KDM4C: variants seen among roughly 807,000 people sequenced by gnomAD.
KDM4C encodes lysine demethylase 4C, also known as lysine-specific demethylase 4C.
In KDM4C, 81 loss-of-function variants were observed where a neutral mutation model predicts 129.3. That is an observed-to-expected ratio of 0.63 (90% CI 0.52 to 0.75). KDM4C has a LOEUF of 0.75. KDM4C is among the 30% of genes least tolerant of loss of function. The pLI is 0.00. For missense variants in KDM4C, 1,457 were observed against 1,304.0 expected (o/e 1.12, Z -1.81); for synonymous variants, 573 against 456.1 (o/e 1.26, Z -3.26).
chr9:7,089,206 T>C (rs1215785741), intron 17 of KDM4C, among the ~76,000 whole-genome samples: 2 of 152,186 alleles, frequency 1.3e-5, no homozygotes, highest in Admixed American at 1.3e-4. Context: ...TTGAATAACG[T>C]AAAAAAATCA....
At chr9:6,915,276 C>G (rs1820099094) in intron 8 of KDM4C, among the ~76,000 whole-genome samples, 6 of 152,194 alleles carry the variant, frequency 3.9e-5, no homozygotes, top group Admixed American at 3.3e-4. Flanking sequence ...GTTCATGCAT[C>G]TACCTAAGAG....
chr9:7,019,771 T>TAATA (rs1563993500), intron 15 of KDM4C, among the ~76,000 whole-genome samples: 2 of 125,278 alleles, frequency 1.6e-5, no homozygotes, highest in African/African-American at 6.7e-5. Flanking sequence ...AAATATAATA[T>TAATA]TTTTATATAT....
intron 17 of KDM4C, among the ~76,000 whole-genome samples, chr9:7,070,678 C>T (rs1337644223): frequency 6.6e-6 from 1 of 152,108 alleles, no homozygotes; most frequent in African/African-American, 2.4e-5. Context: ...TAAAAACTCA[C>T]AGCAGACTAT....
chr9:6,786,327 A>T (rs1047798625), intron 1 of KDM4C, among the ~76,000 whole-genome samples: 2 of 152,246 alleles, frequency 1.3e-5, no homozygotes, highest in African/African-American at 4.8e-5. Context: ...ATGGGTTGTT[A>T]TATGAGTTAG....
At chr9:6,945,840 C>T (rs897558645) in intron 8 of KDM4C, among the ~76,000 whole-genome samples, 1 of 152,080 alleles carries the variant, frequency 6.6e-6, no homozygotes, top group African/African-American at 2.4e-5. Flanking sequence ...TTAAACTTTT[C>T]CTGGTCATGG....
intron 17 of KDM4C, among the ~76,000 whole-genome samples, chr9:7,099,852 C>T (rs929543366): frequency 6.6e-6 from 1 of 152,094 alleles, no homozygotes; most frequent in African/African-American, 2.4e-5. Flanking sequence ...TCTTTCATTC[C>T]CCTCCCTGCA....
At chr9:6,928,887 C>T (rs1406220453) in intron 8 of KDM4C, among the ~76,000 whole-genome samples, 2 of 152,216 alleles carry the variant, frequency 1.3e-5, no homozygotes, top group Non-Finnish European at 2.9e-5. Flanking sequence ...CAGCTGCCGG[C>T]TGCATGTTTG....
chr9:6,951,223 T>C (rs1473456318), intron 8 of KDM4C, among the ~76,000 whole-genome samples: 1 of 152,248 alleles, frequency 6.6e-6, no homozygotes, highest in East Asian at 1.9e-4. Context: ...TATATATTTC[T>C]ATTAACTATA....
intron 5 of KDM4C, among the ~76,000 whole-genome samples, chr9:6,865,393 A>T (rs531254690): frequency 3.3e-5 from 5 of 152,248 alleles, no homozygotes; most frequent in Admixed American, 3.3e-4. Context: ...GCTATCTTGA[A>T]TTCCTGATCA....
intron 8 of KDM4C, among the ~76,000 whole-genome samples, chr9:6,921,684 T>G (rs547517650): frequency 1.3e-5 from 2 of 152,342 alleles, no homozygotes; most frequent in East Asian, 3.9e-4. Flanking sequence ...TGTGTATACT[T>G]CTGCTCAGAA....
chr9:6,934,906 A>T (rs1321261259), intron 8 of KDM4C, among the ~76,000 whole-genome samples: 1 of 151,628 alleles, frequency 6.6e-6, no homozygotes, highest in Non-Finnish European at 1.5e-5. Context: ...TAAATTAGGT[A>T]TACCAGATTT....
At chr9:7,128,588 A>T (rs1840276573) in intron 19 of KDM4C, among the ~76,000 whole-genome samples, 1 of 152,210 alleles carries the variant, frequency 6.6e-6, no homozygotes, top group African/African-American at 2.4e-5. Flanking sequence ...CAAGATGTGA[A>T]CAAATTTGAA....
chr9:6,869,651 A>G (rs1043050219), intron 5 of KDM4C, among the ~76,000 whole-genome samples: 2 of 152,230 alleles, frequency 1.3e-5, no homozygotes, highest in African/African-American at 4.8e-5. Flanking sequence ...TTCAGGCAAG[A>G]TGGCCAAGCC....
intron 17 of KDM4C, among the ~76,000 whole-genome samples, chr9:7,067,446 T>C (rs1289185434): frequency 6.6e-6 from 1 of 152,232 alleles, no homozygotes; most frequent in African/African-American, 2.4e-5. Flanking sequence ...GATTACATTC[T>C]ATTTCTCTGA....
chr9:6,855,959 A>G (rs1282698391), intron 5 of KDM4C, among the ~76,000 whole-genome samples: 1 of 152,130 alleles, frequency 6.6e-6, no homozygotes, highest in East Asian at 1.9e-4. Context: ...CAGGCTGGCC[A>G]TGAACTCCTG....
intron 19 of KDM4C, among the ~76,000 whole-genome samples, chr9:7,135,011 CT>C (rs1206362760): frequency 1.3e-5 from 2 of 152,160 alleles, no homozygotes; most frequent in African/African-American, 2.4e-5. Context: ...ACTCATATGA[CT>C]TTTTACATTA....
chr9:6,951,280 A>G (rs1828095495), intron 8 of KDM4C, among the ~76,000 whole-genome samples: 1 of 152,178 alleles, frequency 6.6e-6, no homozygotes, highest in African/African-American at 2.4e-5. Context: ...GCTTCTATCT[A>G]GCTGTAACTT....
At chr9:6,855,728 T>C (rs1029660263) in intron 5 of KDM4C, among the ~76,000 whole-genome samples, 2 of 152,166 alleles carry the variant, frequency 1.3e-5, no homozygotes, top group African/African-American at 4.8e-5. Flanking sequence ...TACAACTAAT[T>C]ACTTGATTAT....
intron 15 of KDM4C, among the ~76,000 whole-genome samples, chr9:7,032,738 C>G (rs1031709410): frequency 6.6e-6 from 1 of 152,192 alleles, no homozygotes; most frequent in Non-Finnish European, 1.5e-5. Flanking sequence ...CTTGCCTCCT[C>G]TGCTCAGCTT....
Sources: allele counts gnomAD v4.1 joint callset (sites outside exome capture counted in the v4.1 genomes callset), GRCh38; gene constraint gnomAD v4.1.1; transcripts MANE v1.5; gene names NCBI Gene and HGNC (gene_info 2026-07-23, HGNC 2026-07-21).